Variants in GABRR2 observed in about 807,000 individuals in gnomAD.
The protein encoded by GABRR2 is gamma-aminobutyric acid receptor subunit rho-2.
Under a neutral mutation model 47.0 loss-of-function variants are expected in GABRR2, and 36 were observed. The ratio of observed to expected loss-of-function variants is 0.77; its 90% confidence interval spans 0.59 to 1.01. GABRR2 has a LOEUF of 1.01. GABRR2 is among the 50% of genes least tolerant of loss of function. The pLI is 0.00. For synonymous variants in GABRR2, 204 were observed against 227.5 expected (o/e 0.90, Z 0.93); for missense variants, 587 against 594.6 (o/e 0.99, Z 0.13).
chr6:89,286,777 GTTTAAT>G (rs1257034808), intron 2 of GABRR2, among the ~76,000 whole-genome samples: 1 of 152,126 alleles, frequency 6.6e-6, no homozygotes, highest in African/African-American at 2.4e-5. Flanking sequence ...AGGGAGGGAA[GTTTAAT>G]TTTAATGGAA....
At chr6:89,300,498 C>CA (rs34085480) in intron 1 of GABRR2, among the ~76,000 whole-genome samples, 24,019 of 144,902 alleles carry the variant, frequency 0.17, 2,001 homozygotes, top group South Asian at 0.22. Flanking sequence ...GACTCTGTCG[C>CA]AAAAAAAAAC....
chr6:89,269,676 A>G (rs1486722682), intron 3 of GABRR2, among the ~76,000 whole-genome samples: 1 of 152,256 alleles, frequency 6.6e-6, no homozygotes, highest in Non-Finnish European at 1.5e-5. Context: ...CGTTAGGCTT[A>G]TAAGATCCTT....
chr6:89,264,507 T>C lies in GABRR2; in HGVS notation c.991A>G (p.Ser331Gly). 1.2e-6 allele frequency: 2 copies of C among 1,613,810 alleles called. No homozygotes were observed. Among genetic ancestry groups the C allele is most frequent in the Non-Finnish European group, 1.7e-6 (2 of 1,179,956 alleles). The change falls in exon 8 of 9, where the codon AGC becomes GGC. Residue 331 changes from serine (S) to glycine (G), a missense_variant. Coordinates refer to ENST00000402938, the MANE Select transcript of GABRR2 (RefSeq NM_002043.5). ...ACCGAGAGGAACACGAACACAAAGC[T>C]GACCCAGAGGTAGATGTCCACGGCC... is the stretch of plus-strand genomic sequence containing the variant. ...VKAVDIYLWV[S>G]FVFVFLSVLE... is the part of the protein sequence containing the mutation.
intron 2 of GABRR2, among the ~76,000 whole-genome samples, chr6:89,280,817 A>G (rs1308808865): frequency 6.6e-6 from 1 of 152,202 alleles, no homozygotes; most frequent in Non-Finnish European, 1.5e-5. Flanking sequence ...CTATTTCTGA[A>G]GTTCTGGATT....
chr6:89,277,701 A>C (rs1774187957), intron 2 of GABRR2, among the ~76,000 whole-genome samples: 3 of 152,112 alleles, frequency 2.0e-5, no homozygotes, highest in African/African-American at 7.2e-5. Flanking sequence ...AAAATGATAA[A>C]CATCTGGAAA....
Position 89,315,129 on chromosome 6 carries a change from A to G in GABRR2, c.37T>C (p.Cys13Arg). 2 of 1,613,972 alleles carry G rather than the reference A, an allele frequency of 1.2e-6. No individual in the cohort carries two copies. The highest frequency in any genetic ancestry group is 1.7e-6 in the Non-Finnish European group (2 of 1,179,872). The change falls in exon 1 of 9, where the codon TGC becomes CGC. Residue 13 changes from cysteine to arginine, a missense_variant. Physicochemically the swap from Cys to Arg is radical, Grantham distance 180 (BLOSUM62 -3). Transcript: ENST00000402938. ...YFTRLILFLFCLMVLVESRKP... is the reference protein window; with the variant it reads ...YFTRLILFLFRLMVLVESRKP... ...CTGCTCTCCACGAGAACCATCAAGCAAAACAAGAACAAAATGAGTCTTGTA... is the reference window on the plus strand; with the variant it reads ...CTGCTCTCCACGAGAACCATCAAGCGAAACAAGAACAAAATGAGTCTTGTA...
At chr6:89,294,992 T>A (rs1251017097) in intron 2 of GABRR2, among the ~76,000 whole-genome samples, 1 of 152,040 alleles carries the variant, frequency 6.6e-6, no homozygotes, top group African/African-American at 2.4e-5. Context: ...ATGGCTGCAT[T>A]GTATTCCATG....
rs899251399 is a variant in GABRR2 at position 89,265,694 on chromosome 6, A to G, written c.808T>C (p.Phe270Leu). Residue 270 changes from phenylalanine to leucine, a missense_variant, in exon 7 of 9, where the codon TTC (phenylalanine) becomes CTC (leucine). Transcript: ENST00000402938. ...HIFFFLLQTYFPATLMVMLSW... is the reference protein window; with the variant it reads ...HIFFFLLQTYLPATLMVMLSW... The stretch of plus-strand genomic sequence containing the variant: ...AGCATGACCATCAGAGTGGCAGGGA[A>G]ATATGTTTGGAGCAAGAAGAAGAAG... The G allele has an allele frequency of 6.2e-7, 1 of 1,614,034 alleles. No individual in the cohort carries two copies. Among genetic ancestry groups the G allele is most frequent in the African/African-American group, 1.3e-5 (1 of 74,924 alleles).
At chr6:89,262,230 C>T (rs1485003539) in intron 8 of GABRR2, among the ~76,000 whole-genome samples, 1 of 152,146 alleles carries the variant, frequency 6.6e-6, no homozygotes, top group East Asian at 1.9e-4. Context: ...GACTTTGTGT[C>T]CCTTTTGCAT....
intron 1 of GABRR2, among the ~76,000 whole-genome samples, chr6:89,306,084 T>C (rs1025512152): frequency 1.3e-5 from 2 of 151,878 alleles, no homozygotes; most frequent in Non-Finnish European, 2.9e-5. Flanking sequence ...ATTTTTTTTT[T>C]TTAATTTCTT....
At chr6:89,300,555 CA>C (rs1445137639) in intron 1 of GABRR2, among the ~76,000 whole-genome samples, 1 of 151,702 alleles carries the variant, frequency 6.6e-6, no homozygotes, top group African/African-American at 2.4e-5. Context: ...CACAGAAATA[CA>C]AATAACCATC....
intron 1 of GABRR2, among the ~76,000 whole-genome samples, chr6:89,303,647 G>GAAAA (rs34541330): frequency 9.7e-6 from 1 of 102,718 alleles, no homozygotes; most frequent in Non-Finnish European, 1.9e-5. Context: ...TCTTAAGGAG[G>GAAAA]AAAAAAAAAA....
intron 8 of GABRR2, among the ~76,000 whole-genome samples, chr6:89,263,956 T>C (rs1184074444): frequency 1.3e-5 from 2 of 152,232 alleles, no homozygotes; most frequent in African/African-American, 2.4e-5. Context: ...ATAAAGGCAC[T>C]TTTTGTTCTA....
chr6:89,268,165 G>A (rs539124135), intron 4 of GABRR2, 69 bp from the exon 5 acceptor site: 228 of 1,185,752 alleles, frequency 1.9e-4, no homozygotes, highest in Middle Eastern at 4.7e-4. Context: ...CCCAGAGCAA[G>A]AAGGCACAGC....
At chr6:89,265,041 C>G (rs892406943) in intron 7 of GABRR2, among the ~76,000 whole-genome samples, 11 of 152,140 alleles carry the variant, frequency 7.2e-5, no homozygotes, top group Admixed American at 6.5e-4. Context: ...AGAGGCCCAT[C>G]ATGCGGGATT....
At chr6:89,271,289 C>G (rs1007752886) in intron 3 of GABRR2, among the ~76,000 whole-genome samples, 2 of 152,146 alleles carry the variant, frequency 1.3e-5, no homozygotes, top group Admixed American at 1.3e-4. Context: ...GCAGCAGGAA[C>G]TGAACATCAG....
At chr6:89,287,993 C>A (rs1051929698) in intron 2 of GABRR2, among the ~76,000 whole-genome samples, 2 of 152,196 alleles carry the variant, frequency 1.3e-5, no homozygotes, top group African/African-American at 4.8e-5. Context: ...AGAGACAGAG[C>A]TGAGGTTTGG....
intron 1 of GABRR2, among the ~76,000 whole-genome samples, chr6:89,305,640 A>AC (rs1767546449): frequency 6.6e-6 from 1 of 152,128 alleles, no homozygotes; most frequent in African/African-American, 2.4e-5. Context: ...ACACACACAC[A>AC]AAAAGCATGA....
intron 2 of GABRR2, among the ~76,000 whole-genome samples, chr6:89,294,657 A>C (rs1362941779): frequency 1.3e-5 from 2 of 148,924 alleles, no homozygotes; most frequent in African/African-American, 5.0e-5. Context: ...TTTTTTTTTT[A>C]TACTTTAAGT....
Sources: gnomAD v4.1 joint callset for allele counts (sites outside exome capture counted in the v4.1 genomes callset) on GRCh38, gnomAD v4.1.1 for gene constraint, MANE v1.5 for transcripts, NCBI Gene and HGNC (gene_info 2026-07-23, HGNC 2026-07-21) for gene names.